DNM3: variants seen among roughly 807,000 people sequenced by gnomAD.
DNM3 encodes dynamin-3.
DNM3 carries 47 observed loss-of-function variants against 101.6 expected under a neutral mutation model. That is an observed-to-expected ratio of 0.46 (90% CI 0.37 to 0.59). The LOEUF (loss-of-function observed/expected upper bound fraction) is 0.59. Among genes scored for constraint, DNM3 ranks in the 20% least tolerant of loss-of-function variants. DNM3 has a pLI of 0.00. For synonymous variants in DNM3, 385 were observed against 387.9 expected (o/e 0.99, Z 0.09); for missense variants, 849 against 1,085.7 (o/e 0.78, Z 3.06).
chr1:171,844,091 T>A (rs939217835), intron 1 of DNM3, among the ~76,000 whole-genome samples: 1 of 152,202 alleles, frequency 6.6e-6, no homozygotes, highest in Non-Finnish European at 1.5e-5. Context: ...AATAAAGATT[T>A]CGGTCATTGA....
chr1:172,185,200 C>T (rs1350217333), intron 14 of DNM3, among the ~76,000 whole-genome samples: 5 of 151,970 alleles, frequency 3.3e-5, no homozygotes, highest in Admixed American at 6.6e-5. Context: ...TTATTTGCAT[C>T]GGCAGTGAGA....
intron 6 of DNM3, among the ~76,000 whole-genome samples, chr1:172,037,464 T>C (rs890383016): frequency 6.6e-6 from 1 of 152,246 alleles, no homozygotes; most frequent in Non-Finnish European, 1.5e-5. Context: ...TCTGCATTTC[T>C]AGGAAGTTTA....
intron 15 of DNM3, among the ~76,000 whole-genome samples, chr1:172,261,030 C>T (rs2062622305): frequency 6.6e-6 from 1 of 152,076 alleles, no homozygotes; most frequent in Non-Finnish European, 1.5e-5. Flanking sequence ...TCATAGCAGC[C>T]TCTACCACTG....
At chr1:172,147,658 A>G (rs12141278) in intron 14 of DNM3, among the ~76,000 whole-genome samples, 33,431 of 152,016 alleles carry the variant, frequency 0.22, 4,063 homozygotes, top group East Asian at 0.44. Context: ...AGTGTTTACA[A>G]TTATTTTGTG....
chr1:171,936,029 T>C (rs1034653736), intron 2 of DNM3, among the ~76,000 whole-genome samples: 53 of 151,466 alleles, frequency 3.5e-4, no homozygotes, highest in African/African-American at 1.0e-3. Flanking sequence ...TTTTTTTTTT[T>C]AAGACACCAG....
chr1:172,218,892 G>C, intron 14 of DNM3, among the ~76,000 whole-genome samples: 1 of 152,250 alleles, frequency 6.6e-6, no homozygotes, highest in South Asian at 2.1e-4. Flanking sequence ...GAGGTAAAGA[G>C]GGTTGGAGCG....
chr1:171,940,150 G>A (rs1264958621), intron 2 of DNM3, among the ~76,000 whole-genome samples: 2 of 152,126 alleles, frequency 1.3e-5, no homozygotes, highest in African/African-American at 4.8e-5. Context: ...AGATGGTTTT[G>A]TACTCACTCT....
At chr1:172,095,075 G>A (rs1024372856) in intron 13 of DNM3, among the ~76,000 whole-genome samples, 1 of 152,196 alleles carries the variant, frequency 6.6e-6, no homozygotes, top group Non-Finnish European at 1.5e-5. Flanking sequence ...CATTATGGAA[G>A]TATTACATCT....
Position 172,308,857 on chromosome 1 carries a change from C to G in DNM3, c.1881+18C>G, listed in dbSNP as rs1198334879. ...AATCTGTAGTAAGTTGGATATATCT[C>G]TTATGTAAAAATTATTATTAGCTAT... is the stretch of plus-strand genomic sequence containing the variant. On this transcript the variant is annotated intron_variant, in intron 16 of 20. Coordinates refer to ENST00000627582, the MANE Select transcript of DNM3 (RefSeq NM_015569.5). 7 of 1,442,580 alleles carry G rather than the reference C, an allele frequency of 4.9e-6. No homozygotes were observed. In the African/African-American group the frequency reaches 9.9e-5, roughly 20 times the overall value. 89.4% of individuals were successfully genotyped at this position (1,442,580 alleles called of 1,614,324 possible).
Position 171,932,006 on chromosome 1 carries a change from T to TCCTC in DNM3, c.235+10193_235+10196dup, listed in dbSNP as rs1230547133. Among the ~76,000 whole-genome samples, 169 of 100,386 alleles carry TCCTC rather than the reference T, an allele frequency of 1.7e-3. 1 individual carries two copies. The highest frequency in any genetic ancestry group is 6.4e-3 in the African/African-American group (164 of 25,794). The allele number at this position is 100,386 out of a possible 152,430, so 65.9% of individuals were successfully genotyped here. ...TCCCTCCCTCCCTCCCTTCCTTCCTTCCTCCCTCCCTTCCTCCCTCCCTCC... is the reference window on the plus strand; with the variant it reads ...TCCCTCCCTCCCTCCCTTCCTTCCTTCCTCCCTCCCTCCCTTCCTCCCTCCCTCC... On this transcript the variant is annotated intron_variant, in intron 2 of 20. Coordinates refer to ENST00000627582, the MANE Select transcript of DNM3 (RefSeq NM_015569.5).
intron 14 of DNM3, among the ~76,000 whole-genome samples, chr1:172,224,536 CA>C (rs1035560729): frequency 1.3e-5 from 2 of 149,816 alleles, no homozygotes; most frequent in African/African-American, 4.9e-5. Flanking sequence ...CCGAGGGAAG[CA>C]AAAAAAAATC....
At chr1:172,192,003 T>C (rs1388000333) in intron 14 of DNM3, among the ~76,000 whole-genome samples, 2 of 152,174 alleles carry the variant, frequency 1.3e-5, no homozygotes, top group Admixed American at 6.6e-5. Context: ...TCCTGCCTGA[T>C]TGCTCTGGCC....
At chr1:172,320,132 A>T (rs1424128212) in intron 16 of DNM3, among the ~76,000 whole-genome samples, 3 of 151,414 alleles carry the variant, frequency 2.0e-5, no homozygotes, top group Non-Finnish European at 2.9e-5. Flanking sequence ...TATCGCAAGG[A>T]CAAAAACCGA....
At chr1:171,859,986 G>C (rs1014504361) in intron 1 of DNM3, among the ~76,000 whole-genome samples, 1 of 152,162 alleles carries the variant, frequency 6.6e-6, no homozygotes, top group Non-Finnish European at 1.5e-5. Flanking sequence ...AATATAGCAA[G>C]GAAAGATAGC....
At chr1:172,003,840 A>T (rs1449058691) in intron 4 of DNM3, among the ~76,000 whole-genome samples, 1 of 151,940 alleles carries the variant, frequency 6.6e-6, no homozygotes, top group East Asian at 1.9e-4. Context: ...GGGGTTGTGT[A>T]AGACATTTGG....
intron 20 of DNM3, among the ~76,000 whole-genome samples, chr1:172,396,420 T>C (rs1046679251): frequency 6.6e-6 from 1 of 152,220 alleles, no homozygotes; most frequent in Non-Finnish European, 1.5e-5. Context: ...GGAAAAGGTA[T>C]AAGCACTCTT....
intron 4 of DNM3, among the ~76,000 whole-genome samples, chr1:172,004,800 G>C (rs2046570428): frequency 6.6e-6 from 1 of 151,972 alleles, no homozygotes; most frequent in Non-Finnish European, 1.5e-5. Flanking sequence ...AGGCAAGGAA[G>C]TGAGAGCTAT....
chr1:172,071,993 C>G (rs1428961132), intron 11 of DNM3, among the ~76,000 whole-genome samples: 1 of 152,120 alleles, frequency 6.6e-6, no homozygotes, highest in Admixed American at 6.6e-5. Context: ...ACAGCCATAG[C>G]TTTTATTTTT....
intron 13 of DNM3, among the ~76,000 whole-genome samples, chr1:172,120,123 T>C (rs937112617): frequency 2.0e-4 from 30 of 152,198 alleles, no homozygotes; most frequent in African/African-American, 2.4e-5. Flanking sequence ...AATAAAGATA[T>C]ACCTGAGACT....
Sources: allele counts gnomAD v4.1 joint callset (sites outside exome capture counted in the v4.1 genomes callset), GRCh38; gene constraint gnomAD v4.1.1; transcripts MANE v1.5; gene names NCBI Gene and HGNC (gene_info 2026-07-23, HGNC 2026-07-21).